The following KLF11 variants were observed in gnomAD, a reference collection of about 807,000 sequenced individuals.
KLF11 encodes the protein KLF transcription factor 11.
In KLF11, 26 loss-of-function variants were observed where a neutral mutation model predicts 29.9. That is an observed-to-expected ratio of 0.87 (90% CI 0.64 to 1.21). The LOEUF is 1.21. KLF11 is among the 50% of genes most tolerant of loss of function. KLF11 has a pLI of 0.00. For synonymous variants in KLF11, 318 were observed against 257.4 expected, an observed-to-expected ratio of 1.24 and a Z score of -2.25; for missense variants, 778 against 665.7, an observed-to-expected ratio of 1.17 and a Z score of -1.86.
rs1661269523 is a variant in KLF11, at chr2:10,047,942, A to G, written c.605A>G (p.Glu202Gly). 3 of 1,613,882 alleles carry G rather than the reference A, an allele frequency of 1.9e-6. No homozygotes were observed. The highest frequency in any genetic ancestry group is 2.5e-6 in the Non-Finnish European group (3 of 1,180,024). ...TPDCRLSDSR[E>G]GEEQLLGHFE... ...GATTGCCGGCTTTCTGACAGCAGAG[A>G]AGGAGAAGAGCAGCTTCTGGGACAC... is the stretch of plus-strand genomic sequence containing the variant. The change falls in exon 3 of 4, where the codon GAA (glutamate) becomes GGA (glycine). Residue 202 changes from glutamate (E) to glycine (G), a missense_variant. Physicochemically the swap from Glu to Gly is moderately conservative, Grantham distance 98. Transcript: ENST00000305883.
rs1335876368 is a variant in KLF11 at position 10,054,494 on chromosome 2, C to T, written c.*1987C>T. Reference sequence around the variant, plus strand: ...GGAAATACTTTGTGTAAACCATCCCCCTTCCACCTCCATTTGTCTGTTGAA... The same window carrying T: ...GGAAATACTTTGTGTAAACCATCCCTCTTCCACCTCCATTTGTCTGTTGAA... On this transcript the variant is annotated 3_prime_UTR_variant, in exon 4 of 4. Coordinates refer to ENST00000305883, the MANE Select transcript of KLF11 (RefSeq NM_003597.5). 6.6e-6 allele frequency: 1 copy of T among 152,654 alleles called. No individual in the cohort carries two copies. The highest frequency in any genetic ancestry group is 2.4e-5 in the African/African-American group (1 of 41,468). The allele number at this position is 152,654 out of a possible 1,614,324, so 9.5% of individuals were successfully genotyped here.
intron 1 of KLF11, chr2:10,044,045 T>A: frequency 4.3e-6 from 3 of 697,618 alleles, no homozygotes; most frequent in Non-Finnish European, 5.3e-6. Context: ...TTTCCAGCCA[T>A]GACGTCACCC....
chr2:10,045,001 C>G (rs1329574246), intron 1 of KLF11, among the ~76,000 whole-genome samples: 1 of 152,180 alleles, frequency 6.6e-6, no homozygotes, highest in Admixed American at 6.5e-5. Flanking sequence ...CAAAAATCAG[C>G]TGAGCATGGT....
chr2:10,043,872 C>A, intron 1 of KLF11, 114 bp downstream of exon 1: 3 of 1,102,892 alleles, frequency 2.7e-6, no homozygotes, highest in Non-Finnish European at 3.4e-6. Context: ...TGCAGGGCTT[C>A]GCTGCGGCCG....
intron 3 of KLF11, 55 bp from the exon 4 acceptor site, chr2:10,052,172 G>T: frequency 1.3e-6 from 2 of 1,550,556 alleles, no homozygotes; most frequent in Non-Finnish European, 1.8e-6. Context: ...TTAACCCCTT[G>T]AATAAGGTGC....
chr2:10,044,597 C>A (rs1661121904), intron 1 of KLF11: 1 of 205,230 alleles, frequency 4.9e-6, no homozygotes, highest in Non-Finnish European at 8.5e-6. Flanking sequence ...TGCTTTGGTG[C>A]ATGGCAGATA....
intron 3 of KLF11, among the ~76,000 whole-genome samples, chr2:10,049,422 G>A (rs1661337084): frequency 1.3e-5 from 2 of 152,206 alleles, no homozygotes; most frequent in South Asian, 4.1e-4. Flanking sequence ...CTCTGATCGT[G>A]GTAGCCTCCA....
intron 3 of KLF11, among the ~76,000 whole-genome samples, chr2:10,050,892 CT>C (rs386389509): frequency 5.8e-4 from 32 of 54,814 alleles, no homozygotes; most frequent in South Asian, 1.7e-3. Context: ...TAGATGCTAC[CT>C]TTTTTTTTTT....
chr2:10,045,335 G>T (rs1015291707), intron 1 of KLF11, among the ~76,000 whole-genome samples: 3 of 152,032 alleles, frequency 2.0e-5, no homozygotes, highest in African/African-American at 7.3e-5. Flanking sequence ...CAGGAGAATC[G>T]CTTGAACCCG....
At chr2:10,051,066 C>G (rs1345084954) in intron 3 of KLF11, among the ~76,000 whole-genome samples, 1 of 150,808 alleles carries the variant, frequency 6.6e-6, no homozygotes, top group East Asian at 2.0e-4. Context: ...GCTACCATGC[C>G]TGGCTAATTT....
chr2:10,047,693 C>A lies in KLF11; in HGVS notation c.356C>A (p.Thr119Lys). The A allele has an allele frequency of 1.2e-6, 2 of 1,613,506 alleles. No individual in the cohort carries two copies. The highest frequency in any genetic ancestry group is 2.2e-5 in the South Asian group (2 of 91,084). ...AGCCCTGATCTCGTGGAGCCATCGA[C>A]AAGGACACCTGTTTCTCCCCAAGTA... is the stretch of plus-strand genomic sequence containing the variant. ...PQSPDLVEPS[T>K]RTPVSPQVTD... The change falls in exon 3 of 4, where the codon ACA (threonine) becomes AAA (lysine). Residue 119 changes from threonine (T) to lysine (K), a missense_variant. Transcript: ENST00000305883.
rs1365728941 is a variant in KLF11, at chr2:10,053,815, T to C, written c.*1308T>C. 1 of 165,412 alleles carries C rather than the reference T, an allele frequency of 6.0e-6. No individual in the cohort carries two copies. The highest frequency in any genetic ancestry group is 1.3e-5 in the Non-Finnish European group (1 of 76,856). 10.2% of individuals were successfully genotyped at this position (165,412 alleles called of 1,614,324 possible). Reference sequence around the variant, plus strand: ...TTCAAGAAGCCACTGATACTGGTTTTTGTTAAACATTGGAAGTTCAGGCAA... The same window carrying C: ...TTCAAGAAGCCACTGATACTGGTTTCTGTTAAACATTGGAAGTTCAGGCAA... On this transcript the variant is annotated 3_prime_UTR_variant, in exon 4 of 4. Coordinates refer to ENST00000305883, the MANE Select transcript of KLF11 (RefSeq NM_003597.5).
intron 3 of KLF11, among the ~76,000 whole-genome samples, chr2:10,050,919 TG>T (rs1661385131): frequency 7.4e-6 from 1 of 135,096 alleles, no homozygotes; most frequent in African/African-American, 2.8e-5. Flanking sequence ...TTTTTTTTTT[TG>T]AGATGGAATC....
At chr2:10,046,751 A>G (rs749626619) in intron 2 of KLF11, among the ~76,000 whole-genome samples, 11 of 152,160 alleles carry the variant, frequency 7.2e-5, no homozygotes, top group Admixed American at 1.3e-4. Flanking sequence ...GCTATTCAGG[A>G]GTCTGAGGTA....
At chr2:10,052,084 C>A in intron 3 of KLF11, 143 bp from the exon 4 acceptor site, 1 of 876,718 alleles carries the variant, frequency 1.1e-6, no homozygotes, top group Non-Finnish European at 1.9e-6. Flanking sequence ...GATTTCTTGA[C>A]CCAAATCATC....
At chr2:10,050,153 C>G (rs535668704) in intron 3 of KLF11, among the ~76,000 whole-genome samples, 10 of 152,280 alleles carry the variant, frequency 6.6e-5, no homozygotes, top group African/African-American at 2.4e-4. Context: ...TCACGCCTGT[C>G]ATCCCAGCAC....
chr2:10,046,343 G>C lies in KLF11; in HGVS notation c.236G>C (p.Gly79Ala), dbSNP rs999938887. 6.2e-7 allele frequency: 1 copy of C among 1,614,050 alleles called. No homozygotes were observed. The highest frequency in any genetic ancestry group is 8.5e-7 in the Non-Finnish European group (1 of 1,180,050). Residue 79 changes from glycine (G) to alanine (A), a missense_variant, in exon 2 of 4, where the codon GGG (glycine) becomes GCG (alanine). Gly to Ala is a moderately conservative substitution (Grantham distance 60). Transcript: ENST00000305883. ...IRPLTPVSDS[G>A]DVTTTVHMDA... ...CCCCTCACGCCTGTCTCTGACTCTG[G>C]GGATGTCACCACCACTGTGCATATG... is the stretch of plus-strand genomic sequence containing the variant.
Position 10,052,705 on chromosome 2 carries a change from C to A in KLF11, c.*198C>A. On this transcript the variant is annotated 3_prime_UTR_variant, in exon 4 of 4. Transcript: ENST00000305883. ...CCCTGTTCAGTATCTTTTGTAGTTT[C>A]AGAAGTTTTTTTGTTTTGGTTTTTT... 6.4e-6 allele frequency: 3 copies of A among 470,698 alleles called. No homozygotes were observed. Among genetic ancestry groups the A allele is most frequent in the Non-Finnish European group, 7.2e-6 (2 of 276,620 alleles). 29.2% of individuals were successfully genotyped at this position (470,698 alleles called of 1,614,324 possible).
Position 10,052,346 on chromosome 2 carries a change from G to C in KLF11, c.1378G>C (p.Asp460His). The change falls in exon 4 of 4, where the codon GAC (aspartate) becomes CAC (histidine). Residue 460 changes from aspartate (D) to histidine (H), a missense_variant. By Grantham distance (81) the Asp-to-His change is moderately conservative. Coordinates refer to ENST00000305883, the MANE Select transcript of KLF11 (RefSeq NM_003597.5). ...GEKKFVCPVC[D>H]RRFMRSDHLT... ...GAAGAAGTTTGTGTGCCCGGTGTGT[G>C]ACCGACGTTTCATGCGCAGTGACCA... 6.2e-7 allele frequency: 1 copy of C among 1,614,100 alleles called. No individual in the cohort carries two copies.
Sources: allele counts gnomAD v4.1 joint callset (sites outside exome capture counted in the v4.1 genomes callset), GRCh38; gene constraint gnomAD v4.1.1; transcripts MANE v1.5; gene names NCBI Gene and HGNC (gene_info 2026-07-23, HGNC 2026-07-21).